The following ANKRD9 variants were observed in gnomAD, a reference collection of about 807,000 sequenced individuals.
ANKRD9 encodes ankyrin repeat domain-containing protein 9.
A neutral mutation model predicts 19.2 loss-of-function variants in ANKRD9; 13 were observed. The ratio of observed to expected loss-of-function variants is 0.68; its 90% confidence interval spans 0.44 to 1.08. ANKRD9 has a LOEUF of 1.08. Ranked by LOEUF, ANKRD9 falls within the 50% of genes least tolerant of loss-of-function variation. The pLI is 0.00. For synonymous variants in ANKRD9, 278 were observed against 256.8 expected (o/e 1.08, Z -0.79); for missense variants, 518 against 499.9 (o/e 1.04, Z -0.34).
In ANKRD9 at chr14:102,503,867, C is replaced by T. The variant is rs2139810501; in HGVS notation, c.*3069G>A. 1 of 152,322 alleles carries T rather than the reference C, an allele frequency of 6.6e-6. No homozygotes were observed. The highest frequency in any genetic ancestry group is 1.5e-5 in the Non-Finnish European group (1 of 68,028). The allele number at this position is 152,322 out of a possible 1,614,324, so 9.4% of individuals were successfully genotyped here. A position where few individuals can be genotyped will look rare whatever the true frequency, so the allele number is the denominator to read the frequency against. ...TTCTTCTGAATAGGATTTGAGGTAA[C>T]TTAGGAAACTGCTCTCAATACGGAA... On this transcript the variant is annotated 3_prime_UTR_variant, in exon 4 of 4. Coordinates refer to ENST00000286918, the MANE Select transcript of ANKRD9 (RefSeq NM_152326.4).
Position 102,506,999 on chromosome 14 carries a change from C to T in ANKRD9, c.891G>A (p.Glu297=). The T allele has an allele frequency of 6.3e-7, 1 of 1,578,842 alleles. No individual in the cohort carries two copies. Among genetic ancestry groups the T allele is most frequent in the South Asian group, 1.1e-5 (1 of 87,770 alleles). ...GGGGCAGCGGCAGCTCGTCCAGGGC[C>T]TCGGGGAAGCGGCCTGGAGAGATGG... is the stretch of plus-strand genomic sequence containing the variant. ...VTAISPGRFP[E]ALDELPLPPF... is the part of the protein sequence containing the mutation. The change falls in exon 4 of 4, where the codon GAG becomes GAA. Residue 297 remains glutamate (E), a synonymous_variant. Coordinates refer to ENST00000286918, the MANE Select transcript of ANKRD9 (RefSeq NM_152326.4).
In ANKRD9 at chr14:102,505,282, C is replaced by CA. The variant is rs1567370988; in HGVS notation, c.*1653_*1654insT. On this transcript the variant is annotated 3_prime_UTR_variant, in exon 4 of 4. Transcript: ENST00000286918. Reference sequence around the variant, plus strand: ...TCCAAAGGAGAGGCACCTCCCCCCCCCATGGCATCTCCAATCTGAGGACCT... The same window carrying CA: ...TCCAAAGGAGAGGCACCTCCCCCCCCACATGGCATCTCCAATCTGAGGACCT... 6.6e-6 allele frequency: 1 copy of CA among 151,902 alleles called. No individual in the cohort carries two copies. The highest frequency in any genetic ancestry group is 1.9e-4 in the East Asian group (1 of 5,182). The allele number at this position is 151,902 out of a possible 1,614,324, so 9.4% of individuals were successfully genotyped here. A position where few individuals can be genotyped will look rare whatever the true frequency, so the allele number is the denominator to read the frequency against.
Position 102,502,360 on chromosome 14 carries a change from T to C in ANKRD9, c.*4576A>G, listed in dbSNP as rs534372366. Reference sequence around the variant, plus strand: ...TGAAAAGAAACAAGTTCTCTACTTGTGATCAGCAGCTGGTCATAGTGGTTG... The same window carrying C: ...TGAAAAGAAACAAGTTCTCTACTTGCGATCAGCAGCTGGTCATAGTGGTTG... On this transcript the variant is annotated 3_prime_UTR_variant, in exon 4 of 4. Transcript: ENST00000286918. The C allele has an allele frequency of 6.5e-6, 1 of 152,688 alleles. No individual in the cohort carries two copies. The highest frequency in any genetic ancestry group is 2.4e-5 in the African/African-American group (1 of 41,466). The allele number at this position is 152,688 out of a possible 1,614,324, so 9.5% of individuals were successfully genotyped here.
rs1414237911 is a variant in ANKRD9, at chr14:102,503,678, G to A, written c.*3258C>T. On this transcript the variant is annotated 3_prime_UTR_variant, in exon 4 of 4. Coordinates refer to ENST00000286918, the MANE Select transcript of ANKRD9 (RefSeq NM_152326.4). ...CTTAAGTCTGTGCATTTTATTACAT[G>A]TAAGTAACACCTCAATCTGAAAAGT... 6.6e-6 allele frequency: 1 copy of A among 152,120 alleles called. No individual in the cohort carries two copies. The highest frequency in any genetic ancestry group is 1.5e-5 in the Non-Finnish European group (1 of 68,026). The allele number at this position is 152,120 out of a possible 1,614,324, so 9.4% of individuals were successfully genotyped here. A position where few individuals can be genotyped will look rare whatever the true frequency, so the allele number is the denominator to read the frequency against.
In ANKRD9 at chr14:102,502,844, T is replaced by G. The variant is rs959705326; in HGVS notation, c.*4092A>C. The G allele has an allele frequency of 6.6e-6, 1 of 152,178 alleles. No homozygotes were observed. Among genetic ancestry groups the G allele is most frequent in the South Asian group, 2.1e-4 (1 of 4,832 alleles). The allele number at this position is 152,178 out of a possible 1,614,324, so 9.4% of individuals were successfully genotyped here. ...GCGGTGGGGCGCTTGAGACAGTGTT[T>G]CCCTGCATCGTGGCCGGACCTCTCT... On this transcript the variant is annotated 3_prime_UTR_variant, in exon 4 of 4. Transcript: ENST00000286918.
rs1257421148 is a variant in ANKRD9, at chr14:102,505,412, GAC to G, written c.*1522_*1523del. The G allele has an allele frequency of 6.6e-6, 1 of 152,278 alleles. No homozygotes were observed. Among genetic ancestry groups the G allele is most frequent in the South Asian group, 2.1e-4 (1 of 4,834 alleles). The allele number at this position is 152,278 out of a possible 1,614,324, so 9.4% of individuals were successfully genotyped here. ...CCAAGGTTCAGAGGCACTGGTCCAG[GAC>G]ACACAGCAGCGGGGAAGTGGAACCC... is the stretch of plus-strand genomic sequence containing the variant. On this transcript the variant is annotated 3_prime_UTR_variant, in exon 4 of 4. Coordinates refer to ENST00000286918, the MANE Select transcript of ANKRD9 (RefSeq NM_152326.4).
At position 102,507,191 on chromosome 14, in the gene ANKRD9, G is replaced by T; in HGVS notation, c.699C>A (p.Asp233Glu). The change falls in exon 4 of 4, where the codon GAC becomes GAA. Residue 233 changes from aspartate to glutamate, a missense_variant. Asp to Glu is a conservative substitution (Grantham distance 45). Transcript: ENST00000286918. The surrounding 1 kb of genome is among the most constrained non-coding windows in gnomAD (Gnocchi z 9.2). ...EPRQRRLLLL[D>E]LLALYTPVGA... ...CCACGGGGGTGTACAGCGCCAGGAG[G>T]TCCAGCAGCAGCAGGCGGCGCTGGC... 1 of 1,324,826 alleles carries T rather than the reference G, an allele frequency of 7.5e-7. No individual in the cohort carries two copies. Among genetic ancestry groups the T allele is most frequent in the Non-Finnish European group, 9.6e-7 (1 of 1,041,336 alleles). The allele number at this position is 1,324,826 out of a possible 1,614,324, so 82.1% of individuals were successfully genotyped here.
Position 102,507,699 on chromosome 14 carries a change from C to G in ANKRD9, c.191G>C (p.Arg64Pro). 2 of 1,546,086 alleles carry G rather than the reference C, an allele frequency of 1.3e-6. No individual in the cohort carries two copies. The highest frequency in any genetic ancestry group is 1.7e-6 in the Non-Finnish European group (2 of 1,152,062). The change falls in exon 4 of 4, where the codon CGC becomes CCC. Residue 64 changes from arginine to proline, a missense_variant. Transcript: ENST00000286918. This position sits in a 1 kb window ranked among gnomAD's most constrained non-coding sequence, Gnocchi z 9.2. ...GGGCGAGTAGGCGGCGGCGCGCCCG[C>G]GCTCGTCCCAGTGGAAGGCCTCGCT... ...RASEAFHWDE[R>P]GRAAAYSPSE...
rs1453386538 is a variant in ANKRD9, at chr14:102,506,864, T to C, written c.*72A>G. The C allele has an allele frequency of 8.7e-6, 12 of 1,375,142 alleles. No individual in the cohort carries two copies. The East Asian group carries it at 3.2e-4, about 36-fold the overall frequency. The allele number at this position is 1,375,142 out of a possible 1,614,324, so 85.2% of individuals were successfully genotyped here. A position where few individuals can be genotyped will look rare whatever the true frequency, so the allele number is the denominator to read the frequency against. ...AGATTGTGCCGTACAGAGATCAATATATATAAAGTGCCGGTACAACGCTCT... is the reference window on the plus strand; with the variant it reads ...AGATTGTGCCGTACAGAGATCAATACATATAAAGTGCCGGTACAACGCTCT... On this transcript the variant is annotated 3_prime_UTR_variant, in exon 4 of 4. Coordinates refer to ENST00000286918, the MANE Select transcript of ANKRD9 (RefSeq NM_152326.4).
Position 102,507,241 on chromosome 14 carries a change from G to T in ANKRD9, c.649C>A (p.Pro217Thr). 1 of 1,237,530 alleles carries T rather than the reference G, an allele frequency of 8.1e-7. No individual in the cohort carries two copies. Among genetic ancestry groups the T allele is most frequent in the South Asian group, 2.6e-5 (1 of 38,204 alleles). The allele number at this position is 1,237,530 out of a possible 1,614,324, so 76.7% of individuals were successfully genotyped here. The part of the protein sequence containing the change: ...AGATPSAAGA[P>T]ASAPGEPRQR... Reference sequence around the variant, plus strand: ...CGCGGCTCCCCGGGAGCTGAGGCGGGGGCTCCGGCGGCGGAGGGAGTGGCC... The same window carrying T: ...CGCGGCTCCCCGGGAGCTGAGGCGGTGGCTCCGGCGGCGGAGGGAGTGGCC... Residue 217 changes from proline (P) to threonine (T), a missense_variant, in exon 4 of 4, where the codon CCC becomes ACC. Physicochemically the swap from Pro to Thr is conservative, Grantham distance 38. Transcript: ENST00000286918. The surrounding 1 kb of genome is among the most constrained non-coding windows in gnomAD (Gnocchi z 9.2).
Position 102,507,278 on chromosome 14 carries a change from G to C in ANKRD9, c.612C>G (p.Gly204=). ...CGGAGGGAGTGGCCCCGGCGTCGCG[G>C]CCCAGCTGGCGCAGCAGCAGCTCGA... is the stretch of plus-strand genomic sequence containing the variant. ...TPLELLLRQL[G]RDAGATPSAA... Residue 204 remains glycine (G), a synonymous_variant, in exon 4 of 4, where the codon GGC becomes GGG. Transcript: ENST00000286918. The surrounding 1 kb of genome is among the most constrained non-coding windows in gnomAD (Gnocchi z 9.2). 8.3e-7 allele frequency: 1 copy of C among 1,209,176 alleles called. No homozygotes were observed. The highest frequency in any genetic ancestry group is 1.0e-6 in the Non-Finnish European group (1 of 970,748). The allele number at this position is 1,209,176 out of a possible 1,614,324, so 74.9% of individuals were successfully genotyped here.
In ANKRD9 at chr14:102,507,558, G is replaced by C; in HGVS notation, c.332C>G (p.Ala111Gly). 2.2e-6 allele frequency: 3 copies of C among 1,351,468 alleles called. No individual in the cohort carries two copies. The highest frequency in any genetic ancestry group is 1.6e-5 in the South Asian group (1 of 62,302). The allele number at this position is 1,351,468 out of a possible 1,614,324, so 83.7% of individuals were successfully genotyped here. A position where few individuals can be genotyped will look rare whatever the true frequency, so the allele number is the denominator to read the frequency against. Reference sequence around the variant, plus strand: ...CAGCGCCACGTGCGGCCCGGGAGCCGCGCAGCAGCGGAAGCCGGCACTGGG... The same window carrying C: ...CAGCGCCACGTGCGGCCCGGGAGCCCCGCAGCAGCGGAAGCCGGCACTGGG... The part of the protein sequence containing the change: ...APPSAGFRCC[A>G]APGPHVALAV... Residue 111 changes from alanine to glycine, a missense_variant, in exon 4 of 4, where the codon GCG becomes GGG. Physicochemically the swap from Ala to Gly is moderately conservative, Grantham distance 60. Coordinates refer to ENST00000286918, the MANE Select transcript of ANKRD9 (RefSeq NM_152326.4). This position sits in a 1 kb window ranked among gnomAD's most constrained non-coding sequence, Gnocchi z 9.2.
rs1331981191 is a variant in ANKRD9 at position 102,507,460 on chromosome 14, G to A, written c.430C>T (p.Arg144Trp). 117 of 1,396,994 alleles carry A rather than the reference G, an allele frequency of 8.4e-5. 1 individual carries two copies. The highest frequency in any genetic ancestry group is 1.1e-4 in the Non-Finnish European group (114 of 1,071,914). The allele number at this position is 1,396,994 out of a possible 1,614,324, so 86.5% of individuals were successfully genotyped here. ...CCACGCCGGTCCAGCACGCGCGCCC[G>A]CTCCTCGGCCGGGAAGTCGCGCAAG... is the stretch of plus-strand genomic sequence containing the variant. ...RTLRDFPAEE[R>W]ARVLDRRGCS... Residue 144 changes from arginine (R) to tryptophan (W), a missense_variant, in exon 4 of 4, where the codon CGG (arginine) becomes TGG (tryptophan). Arg to Trp is a moderately radical substitution (Grantham distance 101). Coordinates refer to ENST00000286918, the MANE Select transcript of ANKRD9 (RefSeq NM_152326.4). The surrounding 1 kb of genome is among the most constrained non-coding windows in gnomAD (Gnocchi z 9.2).
chr14:102,507,830 G>T lies in ANKRD9; in HGVS notation c.60C>A (p.Gly20=). 7.4e-7 allele frequency: 1 copy of T among 1,351,928 alleles called. No individual in the cohort carries two copies. 83.7% of individuals were successfully genotyped at this position (1,351,928 alleles called of 1,614,324 possible). Residue 20 remains glycine (G), a synonymous_variant, in exon 4 of 4, where the codon GGC becomes GGA. Coordinates refer to ENST00000286918, the MANE Select transcript of ANKRD9 (RefSeq NM_152326.4). This position sits in a 1 kb window ranked among gnomAD's most constrained non-coding sequence, Gnocchi z 9.2. Reference sequence around the variant, plus strand: ...GCTTCTGCGCTCGCGAGCGCGCCGCGCCCGAGGCCTCGGGCCCGCCGTCCG... The same window carrying T: ...GCTTCTGCGCTCGCGAGCGCGCCGCTCCCGAGGCCTCGGGCCCGCCGTCCG... The part of the protein sequence containing the change: ...GGADGGPEAS[G]AARSRAQKQC...
In ANKRD9 at chr14:102,508,523, C is replaced by G. The variant is rs1044394811; in HGVS notation, c.-102G>C. ...TAGTTCCGGGGATGTGGGTATATCA[C>G]AGTCCCTGGCCGAGCCTCAGCTTTA... On this transcript the variant is annotated 5_prime_UTR_variant, in exon 3 of 4. Transcript: ENST00000286918. This position sits in a 1 kb window ranked among gnomAD's most constrained non-coding sequence, Gnocchi z 6.2. The G allele has an allele frequency of 6.6e-6, 1 of 152,198 alleles. No individual in the cohort carries two copies. Among genetic ancestry groups the G allele is most frequent in the Non-Finnish European group, 1.5e-5 (1 of 68,060 alleles). 9.4% of individuals were successfully genotyped at this position (152,198 alleles called of 1,614,324 possible). A position where few individuals can be genotyped will look rare whatever the true frequency, so the allele number is the denominator to read the frequency against.
At position 102,505,319 on chromosome 14, in the gene ANKRD9, G is replaced by A. The variant is rs1891558098; in HGVS notation, c.*1617C>T. 6.7e-6 allele frequency: 1 copy of A among 149,276 alleles called. No individual in the cohort carries two copies. Among genetic ancestry groups the A allele is most frequent in the Non-Finnish European group, 1.5e-5 (1 of 66,710 alleles). 9.2% of individuals were successfully genotyped at this position (149,276 alleles called of 1,614,324 possible). On this transcript the variant is annotated 3_prime_UTR_variant, in exon 4 of 4. Transcript: ENST00000286918. ...CAATCTGAGGACCTGCCACCTCCCA[G>A]AGGACCGGAGGCCCTGATGCCCCAA...
In ANKRD9 at chr14:102,506,943, T is replaced by C. The variant is rs760344300; in HGVS notation, c.947A>G (p.Lys316Arg). ...GCCTAGGGTGCTCCGGGCCTAGCCT[T>C]TGCCAGTGAGGTCCAACGGCTGCAG... is the stretch of plus-strand genomic sequence containing the variant. The part of the protein sequence containing the change: ...PFLQPLDLTG[K>R]G The change falls in exon 4 of 4, where the codon AAA becomes AGA. Residue 316 changes from lysine to arginine, a missense_variant. Physicochemically the swap from Lys to Arg is conservative, Grantham distance 26. Transcript: ENST00000286918. 6.6e-6 allele frequency: 10 copies of C among 1,516,682 alleles called. No individual in the cohort carries two copies. The East Asian group carries it at 2.6e-4, about 39-fold the overall frequency. 94.0% of individuals were successfully genotyped at this position (1,516,682 alleles called of 1,614,324 possible).
At chr14:102,509,371 G>C (rs1004305436) in intron 1 of ANKRD9, 158 bp downstream of exon 1, 1 of 151,950 alleles carries the variant, frequency 6.6e-6, no homozygotes, top group African/African-American at 2.4e-5. Context: ...GTCCCCTCCC[G>C]GCCTGCACGG....
chr14:102,507,744 A>G lies in ANKRD9; in HGVS notation c.146T>C (p.Leu49Pro). 6.7e-7 allele frequency: 1 copy of G among 1,501,990 alleles called. No individual in the cohort carries two copies. Among genetic ancestry groups the G allele is most frequent in the Non-Finnish European group, 8.9e-7 (1 of 1,126,410 alleles). 93.0% of individuals were successfully genotyped at this position (1,501,990 alleles called of 1,614,324 possible). ...CTCGCTGGCGCGCATATCCTCCAGCAGCCACACGGGTAGCAGGTCGCGCAC... is the reference window on the plus strand; with the variant it reads ...CTCGCTGGCGCGCATATCCTCCAGCGGCCACACGGGTAGCAGGTCGCGCAC... ...QAVRDLLPVW[L>P]LEDMRASEAF... is the part of the protein sequence containing the mutation. The change falls in exon 4 of 4, where the codon CTG (leucine) becomes CCG (proline). Residue 49 changes from leucine to proline, a missense_variant. Physicochemically the swap from Leu to Pro is moderately conservative, Grantham distance 98. Transcript: ENST00000286918. This position sits in a 1 kb window ranked among gnomAD's most constrained non-coding sequence, Gnocchi z 9.2.
Sources: allele counts gnomAD v4.1 joint callset, GRCh38; gene constraint gnomAD v4.1.1; non-coding constraint Gnocchi (gnomAD v3.1); transcripts MANE v1.5; gene names NCBI Gene and HGNC (gene_info 2026-07-23, HGNC 2026-07-21).